GNS: variants seen among roughly 807,000 people sequenced by gnomAD.
GNS encodes the protein glucosamine (N-acetyl)-6-sulfatase, also known as N-acetylglucosamine-6-sulfatase.
In GNS, 40 loss-of-function variants were observed where a neutral mutation model predicts 69.7. The observed-to-expected ratio is 0.57, with a 90% CI of 0.45 to 0.75. GNS has a LOEUF of 0.75. Among genes scored for constraint, GNS ranks in the 30% least tolerant of loss-of-function variants. The pLI, the probability that GNS is intolerant of heterozygous loss-of-function variation, is 0.00. For missense variants in GNS, 565 were observed against 685.5 expected (o/e 0.82, Z 1.96); for synonymous variants, 243 against 251.6 (o/e 0.97, Z 0.32).
intron 3 of GNS, 33 bp downstream of exon 3, chr12:64,747,679 A>G: frequency 4.5e-6 from 5 of 1,100,972 alleles, no homozygotes; most frequent in Non-Finnish European, 5.6e-6. Flanking sequence ...TTTAAAAGCC[A>G]TTATAAAAAA....
At chr12:64,737,181 A>G in intron 8 of GNS, 74 bp from the exon 9 acceptor site, 2 of 849,268 alleles carry the variant, frequency 2.4e-6, no homozygotes, top group Non-Finnish European at 4.1e-6. Context: ...CACTCATTTA[A>G]TCCACAGCCA....
rs961321163 is a variant in GNS, at chr12:64,733,297, C to CAAAA, written c.1098+3703_1098+3706dup. 3.9e-3 allele frequency among the ~76,000 whole-genome samples: 105 copies of CAAAA among 26,616 alleles called. 2 individuals carry two copies. The highest frequency in any genetic ancestry group is 4.5e-3 in the Non-Finnish European group (59 of 13,008). 17.5% of individuals were successfully genotyped at this position (26,616 alleles called of 152,430 possible). A position where few individuals can be genotyped will look rare whatever the true frequency, so the allele number is the denominator to read the frequency against. ...TAAGTTACAGAGCAAGACCCTGTCT[C>CAAAA]AAAAAAAAAAAAAAAAAAAAAAAAA... is the stretch of plus-strand genomic sequence containing the variant. On this transcript the variant is annotated intron_variant, in intron 9 of 13. Transcript: ENST00000258145.
In GNS at chr12:64,714,575, G is replaced by A. The variant is rs1868803617; in HGVS notation, c.*2166C>T. ...ACCAAAAATAGAAGAGCGTAGAGAG[G>A]GCTGCACCACATCCTACCACGCAAG... On this transcript the variant is annotated 3_prime_UTR_variant, in exon 14 of 14. Transcript: ENST00000258145. The A allele has an allele frequency of 6.6e-6, 1 of 152,142 alleles. No individual in the cohort carries two copies. Among genetic ancestry groups the A allele is most frequent in the Non-Finnish European group, 1.5e-5 (1 of 68,040 alleles). 9.4% of individuals were successfully genotyped at this position (152,142 alleles called of 1,614,324 possible).
At chr12:64,735,737 T>C (rs577459017) in intron 9 of GNS, among the ~76,000 whole-genome samples, 174 of 152,320 alleles carry the variant, frequency 1.1e-3, no homozygotes, top group South Asian at 4.6e-3. Flanking sequence ...GAAAACACTT[T>C]TAAGATTTAA....
At position 64,742,122 on chromosome 12, in the gene GNS, G is replaced by T. The variant is rs535203804; in HGVS notation, c.792+1019C>A. On this transcript the variant is annotated intron_variant, in intron 6 of 13. Transcript: ENST00000258145. ...GGCAAGCTCCGCCTCCCGGGTTCACGCCATTCTCCTGCCTCAGCCTCCCGA... is the reference window on the plus strand; with the variant it reads ...GGCAAGCTCCGCCTCCCGGGTTCACTCCATTCTCCTGCCTCAGCCTCCCGA... Among the ~76,000 whole-genome samples, 3 of 152,220 alleles carry T rather than the reference G, an allele frequency of 2.0e-5. No individual in the cohort carries two copies. The East Asian group carries it at 5.8e-4, about 29-fold the overall frequency.
chr12:64,756,740 G>A, intron 1 of GNS: 1 of 1,502,954 alleles, frequency 6.7e-7, no homozygotes, highest in Non-Finnish European at 8.9e-7. Flanking sequence ...TTGACAATTA[G>A]TGGTAGAATA....
At chr12:64,733,297 C>CAA (rs961321163) in intron 9 of GNS, among the ~76,000 whole-genome samples, 1,537 of 26,536 alleles carry the variant, frequency 0.058, 145 homozygotes, top group Admixed American at 0.1. Context: ...GACCCTGTCT[C>CAA]AAAAAAAAAA....
intron 5 of GNS, among the ~76,000 whole-genome samples, chr12:64,744,462 G>A (rs932134716): frequency 6.6e-6 from 1 of 152,204 alleles, no homozygotes. Context: ...TGGGGCCTGT[G>A]AAGCTGACAT....
chr12:64,751,301 A>G (rs186814418), intron 2 of GNS, among the ~76,000 whole-genome samples: 21 of 152,148 alleles, frequency 1.4e-4, no homozygotes, highest in Non-Finnish European at 2.5e-4. Context: ...TTTCATTTTT[A>G]TCTTGCTGAA....
chr12:64,743,098 A>T, intron 6 of GNS, 43 bp downstream of exon 6: 1 of 1,446,620 alleles, frequency 6.9e-7, no homozygotes, highest in Non-Finnish European at 9.7e-7. Flanking sequence ...CATATAGTTA[A>T]TGATACTTAG....
chr12:64,751,951 CAAAAAAA>C (rs570528616), intron 2 of GNS, among the ~76,000 whole-genome samples: 18 of 64,830 alleles, frequency 2.8e-4, no homozygotes, highest in Middle Eastern at 0.02. Context: ...TTGCGCCACT[CAAAAAAA>C]AAAAAAAAAA....
rs1479493439 is a variant in GNS at position 64,759,268 on chromosome 12, G to C, written c.9C>G (p.Leu3=). ...GGAGCCGACCTGGGGCTAGAGGCAG[G>C]AGCCGCATAGCGGACAGGCTCCGGG... MR[L]LPLAPGRLRR... Residue 3 remains leucine, a synonymous_variant, in exon 1 of 14, where the codon CTC becomes CTG. Transcript: ENST00000258145. The C allele has an allele frequency of 6.6e-7, 1 of 1,524,730 alleles. No homozygotes were observed. The highest frequency in any genetic ancestry group is 1.2e-5 in the South Asian group (1 of 81,212). 94.5% of individuals were successfully genotyped at this position (1,524,730 alleles called of 1,614,324 possible).
At chr12:64,735,818 A>G (rs1407583892) in intron 9 of GNS, among the ~76,000 whole-genome samples, 1 of 152,252 alleles carries the variant, frequency 6.6e-6, no homozygotes, top group East Asian at 1.9e-4. Context: ...TTTGTAGGGA[A>G]AAGTGACTAG....
At chr12:64,727,329 G>C (rs1366349122) in intron 10 of GNS, among the ~76,000 whole-genome samples, 2 of 142,230 alleles carry the variant, frequency 1.4e-5, no homozygotes, top group Non-Finnish European at 3.0e-5. Context: ...CTAGCTACTG[G>C]GGAGGCTGAG....
chr12:64,740,709 A>C, intron 6 of GNS, 21 bp from the exon 7 acceptor site: 1 of 1,203,916 alleles, frequency 8.3e-7, no homozygotes. Flanking sequence ...GAAGAAAAAA[A>C]ATGTTAACAC....
chr12:64,725,354 C>T (rs552161440), intron 10 of GNS, among the ~76,000 whole-genome samples: 14 of 152,194 alleles, frequency 9.2e-5, no homozygotes, highest in Middle Eastern at 3.4e-3. Flanking sequence ...TTTACAGAAA[C>T]GGGGGTGCGC....
intron 6 of GNS, among the ~76,000 whole-genome samples, chr12:64,741,870 T>C (rs1023352733): frequency 6.6e-6 from 1 of 152,248 alleles, no homozygotes; most frequent in Non-Finnish European, 1.5e-5. Flanking sequence ...AGAAGTCCTG[T>C]AGCAGAGTGA....
rs941776434 is a variant in GNS, at chr12:64,716,767, G to A, written c.1633C>T (p.Arg545Ter). The change falls in exon 14 of 14, where the codon CGA (arginine) becomes TGA (stop). Residue 545 changes from arginine to a stop codon, truncating the protein, a stop_gained. Transcript: ENST00000258145. LOFTEE classifies it high-confidence loss of function. ...MFSNRGSVRT[R>*]RFSKHLL ...TACAGAAGATGTTTGGAAAATCTTC[G>A]AGTCCTGACACTGCCGCGATTGCTG... 1.2e-6 allele frequency: 2 copies of A among 1,612,738 alleles called. No individual in the cohort carries two copies. The highest frequency in any genetic ancestry group is 8.5e-7 in the Non-Finnish European group (1 of 1,178,850).
At chr12:64,749,647 T>A (rs967506151) in intron 2 of GNS, among the ~76,000 whole-genome samples, 2 of 152,108 alleles carry the variant, frequency 1.3e-5, no homozygotes, top group African/African-American at 4.8e-5. Context: ...GCTTTGCTCA[T>A]TTTTTTCCCC....
Sources: gnomAD v4.1 joint callset for allele counts (sites outside exome capture counted in the v4.1 genomes callset) on GRCh38, gnomAD v4.1.1 for gene constraint, MANE v1.5 for transcripts, NCBI Gene and HGNC (gene_info 2026-07-23, HGNC 2026-07-21) for gene names.